The following FRMD8 variants were observed in gnomAD, a reference collection of about 807,000 sequenced individuals.
The protein encoded by FRMD8 is FERM domain-containing protein 8.
Under a neutral mutation model 54.2 loss-of-function variants are expected in FRMD8, and 37 were observed. The observed-to-expected ratio is 0.68, with a 90% CI of 0.53 to 0.90. FRMD8 has a LOEUF of 0.90. FRMD8 is among the 40% of genes least tolerant of loss of function. The probability of loss-of-function intolerance (pLI) is 0.00; values close to 1 mark genes in which losing one functional copy is unlikely to be tolerated. For missense variants in FRMD8, 585 were observed against 653.7 expected, an observed-to-expected ratio of 0.89 and a Z score of 1.15; for synonymous variants, 246 against 286.9, an observed-to-expected ratio of 0.86 and a Z score of 1.44.
Position 65,389,426 on chromosome 11 carries a change from TCGCTCAGTGCCCATGAGCTGCACCG to T in FRMD8, c.156_180del (p.His55ArgfsTer26). On this transcript the variant is annotated frameshift_variant, in exon 3 of 11. Transcript: ENST00000317568. LOFTEE classifies it high-confidence loss of function. Reference sequence around the variant, plus strand: ...GCCCCTGGCTGTGGAGAACCTGCCCTCGCTCAGTGCCCATGAGCTGCACCGCGCTGTCCGCGAGGTCCTGCAGCTT... The same window carrying T: ...GCCCCTGGCTGTGGAGAACCTGCCCTCGCTGTCCGCGAGGTCCTGCAGCTT... 1 of 1,610,554 alleles carries T rather than the reference TCGCTCAGTGCCCATGAGCTGCACCG, an allele frequency of 6.2e-7. No individual in the cohort carries two copies. Among genetic ancestry groups the T allele is most frequent in the Non-Finnish European group, 8.5e-7 (1 of 1,179,988 alleles).
At chr11:65,390,730 C>G (rs1305909708) in intron 3 of FRMD8, among the ~76,000 whole-genome samples, 1 of 152,220 alleles carries the variant, frequency 6.6e-6, no homozygotes, top group Non-Finnish European at 1.5e-5. Context: ...TGTCTGAAAG[C>G]TGGGGGTACA....
intron 2 of FRMD8, chr11:65,387,390 T>C (rs995829589): frequency 1.1e-5 from 7 of 616,266 alleles, no homozygotes; most frequent in African/African-American, 1.1e-4. Context: ...AAGTGAAGGC[T>C]GATGTGGTTC....
At chr11:65,393,995 T>C (rs1304907510) in intron 4 of FRMD8, 46 bp from the exon 5 acceptor site, 3 of 1,604,046 alleles carry the variant, frequency 1.9e-6, no homozygotes, top group South Asian at 2.2e-5. Flanking sequence ...AGGGGAGGGC[T>C]AAGCAGAGTG....
the FRMD8 span, among the ~76,000 whole-genome samples, chr11:65,374,496 G>A: frequency 6.6e-6 from 1 of 152,212 alleles, no homozygotes; most frequent in Non-Finnish European, 1.5e-5. Flanking sequence ...TCATAACACT[G>A]TGATTGTTTC....
chr11:65,410,363 C>T (rs1286120870), intron 10 of FRMD8, among the ~76,000 whole-genome samples: 8 of 150,824 alleles, frequency 5.3e-5, no homozygotes, highest in Non-Finnish European at 8.8e-5. Context: ...TGCGTGGTGG[C>T]GCACACCTGT....
the FRMD8 span, among the ~76,000 whole-genome samples, chr11:65,369,959 AG>A: frequency 6.6e-6 from 1 of 150,826 alleles, no homozygotes; most frequent in South Asian, 2.1e-4. Flanking sequence ...TGAACCCAGG[AG>A]GTGGAAGTTG....
the FRMD8 span, chr11:65,376,551 C>T: frequency 2.5e-6 from 4 of 1,614,186 alleles, no homozygotes; most frequent in Non-Finnish European, 3.4e-6. Flanking sequence ...AGTCCAGCAT[C>T]CCCTGGTACA....
In FRMD8 at chr11:65,394,356, T is replaced by C. The variant is rs1279832700; in HGVS notation, c.512T>C (p.Leu171Pro). The change falls in exon 6 of 11, where the codon CTG becomes CCG. Residue 171 changes from leucine to proline, a missense_variant. Transcript: ENST00000317568. ...YPCDVEDCEA[L>P]GALVCRVQLG... is the part of the protein sequence containing the mutation. Reference sequence around the variant, plus strand: ...TGCGACGTGGAGGACTGCGAGGCTCTGGGCGCCCTGGTGTGCCGCGTGCAG... The same window carrying C: ...TGCGACGTGGAGGACTGCGAGGCTCCGGGCGCCCTGGTGTGCCGCGTGCAG... 1 of 1,578,590 alleles carries C rather than the reference T, an allele frequency of 6.3e-7. No homozygotes were observed.
At position 65,408,321 on chromosome 11, in the gene FRMD8, G is replaced by A. The variant is rs572857471; in HGVS notation, c.1277-2921G>A. On this transcript the variant is annotated intron_variant, in intron 10 of 10. Coordinates refer to ENST00000317568, the MANE Select transcript of FRMD8 (RefSeq NM_031904.5). ...ACTCCCGACCTCAGGTGATCCGCCC[G>A]CCTTGGCCTCCCAAAGTGCTGGGAT... 3.7e-4 allele frequency among the ~76,000 whole-genome samples: 56 copies of A among 152,104 alleles called. No homozygotes were observed. In the South Asian group the frequency reaches 4.4e-3, roughly 12 times the overall value.
intron 7 of FRMD8, 70 bp from the exon 8 acceptor site, chr11:65,399,666 T>A (rs935773367): frequency 1.3e-6 from 2 of 1,575,742 alleles, no homozygotes; most frequent in East Asian, 2.3e-5. Context: ...AGAGCCCAGG[T>A]TGGGGCCTCG....
rs1385933499 is a variant in FRMD8 at position 65,404,575 on chromosome 11, C to T, written c.1072-289C>T. 6.6e-6 allele frequency among the ~76,000 whole-genome samples: 1 copy of T among 152,006 alleles called. No homozygotes were observed. The highest frequency in any genetic ancestry group is 2.4e-5 in the African/African-American group (1 of 41,358). ...AGCTGGCTCCCTACCCCCTCCCTCC[C>T]CACCTGCTTCTGCCCATGGAGTCAG... On this transcript the variant is annotated intron_variant, in intron 9 of 10. Coordinates refer to ENST00000317568, the MANE Select transcript of FRMD8 (RefSeq NM_031904.5). The surrounding 1 kb of genome is among the most constrained non-coding windows in gnomAD (Gnocchi z 4.7).
rs1035070334 is a variant in FRMD8, at chr11:65,394,418, G to A, written c.574G>A (p.Asp192Asn). The change falls in exon 6 of 11, where the codon GAC becomes AAC. Residue 192 changes from aspartate (D) to asparagine (N), a missense_variant. Asp to Asn is a conservative substitution (Grantham distance 23). Transcript: ENST00000317568. The stretch of plus-strand genomic sequence containing the variant: ...CCAGCCCGGCCGGCCGGCAGCCTGC[G>A]ACCTGAGGTGAGGGCCTGTGTGACT... ...PYQPGRPAAC[D>N]LREKLDSFLP... is the part of the protein sequence containing the mutation. 9 of 1,566,464 alleles carry A rather than the reference G, an allele frequency of 5.7e-6. No homozygotes were observed. Among genetic ancestry groups the A allele is most frequent in the South Asian group, 1.2e-5 (1 of 86,086 alleles).
the FRMD8 span, chr11:65,376,904 G>A: frequency 1.7e-4 from 280 of 1,613,352 alleles, no homozygotes; most frequent in Non-Finnish European, 2.2e-4. Context: ...GTCCCTCAGC[G>A]TCAGGGCCCA....
At position 65,399,731 on chromosome 11, in the gene FRMD8, C is replaced by G. The variant is rs371814360; in HGVS notation, c.804-5C>G. On this transcript the variant is annotated splice_polypyrimidine_tract_variant and splice_region_variant and intron_variant, in intron 7 of 10. Coordinates refer to ENST00000317568, the MANE Select transcript of FRMD8 (RefSeq NM_031904.5). ...GCCGGAGGCTGACCCCAGTCCCCTC[C>G]CCAGGTGTGCCTTCTTCCACGGTGA... 2 of 1,613,800 alleles carry G rather than the reference C, an allele frequency of 1.2e-6. No individual in the cohort carries two copies. Among genetic ancestry groups the G allele is most frequent in the Admixed American group, 1.7e-5 (1 of 59,990 alleles).
At position 65,394,263 on chromosome 11, in the gene FRMD8, A is replaced by G. The variant is rs1474625319; in HGVS notation, c.419A>G (p.His140Arg). The change falls in exon 6 of 11, where the codon CAT becomes CGT. Residue 140 changes from histidine to arginine, a missense_variant. By Grantham distance (29) the His-to-Arg change is conservative. Transcript: ENST00000317568. ...FFPKRRELQI[H>R]DEEVLRLLYE... is the part of the protein sequence containing the mutation. ...CCCTGCCACACCCCCCTGCAGATCC[A>G]TGACGAGGAGGTCCTGCGGCTGCTC... is the stretch of plus-strand genomic sequence containing the variant. 2.5e-6 allele frequency: 4 copies of G among 1,600,696 alleles called. No individual in the cohort carries two copies. Among genetic ancestry groups the G allele is most frequent in the Non-Finnish European group, 3.4e-6 (4 of 1,173,924 alleles).
intron 10 of FRMD8, 30 bp downstream of exon 10, chr11:65,405,098 A>G (rs746599093): frequency 2.0e-5 from 32 of 1,600,662 alleles, no homozygotes; most frequent in Non-Finnish European, 2.7e-5. Context: ...ATGTGCACAC[A>G]CAAACACGCA....
At chr11:65,369,365 A>T in the FRMD8 span, among the ~76,000 whole-genome samples, 1 of 151,682 alleles carries the variant, frequency 6.6e-6, no homozygotes, top group African/African-American at 2.4e-5. Context: ...CAAGACGATC[A>T]CTTAAGCCCA....
At chr11:65,406,445 T>C (rs1480514277) in intron 10 of FRMD8, among the ~76,000 whole-genome samples, 1 of 151,644 alleles carries the variant, frequency 6.6e-6, no homozygotes, top group African/African-American at 2.4e-5. Context: ...CCATCCGCCT[T>C]GGCCTCCCAA....
At position 65,405,005 on chromosome 11, in the gene FRMD8, A is replaced by G; in HGVS notation, c.1213A>G (p.Arg405Gly). The G allele has an allele frequency of 1.9e-6, 3 of 1,613,374 alleles. No individual in the cohort carries two copies. Among genetic ancestry groups the G allele is most frequent in the East Asian group, 2.2e-5 (1 of 44,890 alleles). The stretch of plus-strand genomic sequence containing the variant: ...TCCTGTTCAGCGCCCCAAGCTGCGG[A>G]GGCAGGGCAGTGTGGTGTCCAGCCG... Reference protein sequence around the residue: ...LAPVQRPKLRRQGSVVSSRIQ... With the variant: ...LAPVQRPKLRGQGSVVSSRIQ... The change falls in exon 10 of 11, where the codon AGG becomes GGG. Residue 405 changes from arginine (R) to glycine (G), a missense_variant. Transcript: ENST00000317568.
Sources: gnomAD v4.1 joint callset for allele counts (sites outside exome capture counted in the v4.1 genomes callset) on GRCh38, gnomAD v4.1.1 for gene constraint, Gnocchi (gnomAD v3.1) non-coding constraint, MANE v1.5 for transcripts, NCBI Gene and HGNC (gene_info 2026-07-23, HGNC 2026-07-21) for gene names.